MTUS2: variants seen among roughly 807,000 people sequenced by gnomAD.
MTUS2 encodes the protein microtubule associated scaffold protein 2.
In MTUS2, 40 loss-of-function variants were observed where a neutral mutation model predicts 114.1. That is an observed-to-expected ratio of 0.35 (90% confidence interval 0.27 to 0.46). MTUS2 has a LOEUF of 0.46. Ranked by LOEUF, MTUS2 falls within the 20% of genes least tolerant of loss-of-function variation. The pLI is 1.00. For missense variants in MTUS2, 1,679 were observed against 1,705.4 expected (o/e 0.98, Z 0.27); for synonymous variants, 688 against 672.0 (o/e 1.02, Z -0.37).
At chr13:29,398,615 G>A (rs1025379324) in intron 8 of MTUS2, among the ~76,000 whole-genome samples, 1 of 151,980 alleles carries the variant, frequency 6.6e-6, no homozygotes, top group African/African-American at 2.4e-5. Context: ...ATCTAAATTG[G>A]AAATAAACTT....
intron 9 of MTUS2, among the ~76,000 whole-genome samples, chr13:29,475,578 T>C (rs1220381593): frequency 2.0e-5 from 3 of 152,318 alleles, no homozygotes; most frequent in African/African-American, 7.2e-5. Context: ...ATGGAGATAT[T>C]GATGGTCCTG....
At chr13:29,301,237 C>G (rs1168848027) in intron 6 of MTUS2, among the ~76,000 whole-genome samples, 4 of 152,124 alleles carry the variant, frequency 2.6e-5, no homozygotes, top group African/African-American at 9.7e-5. Context: ...TGCCTAGGAC[C>G]CTGCAGCAGC....
intron 5 of MTUS2, among the ~76,000 whole-genome samples, chr13:29,253,548 C>T (rs1247405202): frequency 6.6e-6 from 1 of 152,104 alleles, no homozygotes; most frequent in Non-Finnish European, 1.5e-5. Flanking sequence ...GTCCTGAGCT[C>T]TTTTATTTAT....
chr13:28,895,381 T>G (rs1184220728), intron 2 of MTUS2, among the ~76,000 whole-genome samples: 4 of 152,208 alleles, frequency 2.6e-5, no homozygotes, highest in East Asian at 3.8e-4. Flanking sequence ...TGTGATGGAC[T>G]TTTAGGATGT....
intron 5 of MTUS2, among the ~76,000 whole-genome samples, chr13:29,229,759 A>G (rs143178396): frequency 3.0e-4 from 46 of 152,296 alleles, no homozygotes; most frequent in African/African-American, 8.9e-4. Context: ...GAAACTCACT[A>G]TCCTCAGAGG....
At chr13:29,034,554 G>T (rs1490495073) in intron 4 of MTUS2, among the ~76,000 whole-genome samples, 1 of 152,226 alleles carries the variant, frequency 6.6e-6, no homozygotes, top group Non-Finnish European at 1.5e-5. Flanking sequence ...GGCATGGGCT[G>T]CAAGAGAGAA....
chr13:29,171,660 G>A (rs762172846), intron 5 of MTUS2, among the ~76,000 whole-genome samples: 5 of 152,134 alleles, frequency 3.3e-5, no homozygotes, highest in Non-Finnish European at 7.4e-5. Flanking sequence ...GAACAAGATA[G>A]AATTTATTTT....
chr13:29,322,174 G>C (rs185617474), intron 6 of MTUS2, among the ~76,000 whole-genome samples: 20 of 152,298 alleles, frequency 1.3e-4, no homozygotes, highest in African/African-American at 4.6e-4. Flanking sequence ...ACACTGAAAG[G>C]CTAAATAAAT....
intron 8 of MTUS2, 94 bp downstream of exon 8, chr13:29,359,567 T>C: frequency 7.2e-7 from 1 of 1,391,782 alleles, no homozygotes. Context: ...TGTTTTGGGT[T>C]TGAGTTTTGA....
At chr13:29,007,926 C>T (rs113479227) in intron 2 of MTUS2, among the ~76,000 whole-genome samples, 5 of 152,038 alleles carry the variant, frequency 3.3e-5, no homozygotes, top group Non-Finnish European at 7.4e-5. Context: ...GGTTGGTGCC[C>T]CTAACTCCCA....
intron 6 of MTUS2, chr13:29,307,798 AC>A: frequency 1.1e-6 from 1 of 942,914 alleles, no homozygotes; most frequent in Non-Finnish European, 1.7e-6. Context: ...CCCCCAGACC[AC>A]CAGCCCCAGT....
Position 28,832,530 on chromosome 13 carries a change from T to C in MTUS2, c.-315-7248T>C, listed in dbSNP as rs138100343. Among the ~76,000 whole-genome samples, 224 of 151,208 alleles carry C rather than the reference T, an allele frequency of 1.5e-3. 3 individuals carry two copies. Among genetic ancestry groups the C allele is most frequent in the African/African-American group, 4.9e-3 (204 of 41,356 alleles). On this transcript the variant is annotated intron_variant, in intron 1 of 15. Transcript: ENST00000612955. Reference sequence around the variant, plus strand: ...GAGGGATTTTTTTTTTAGCTGTTAATGACTGTATGAACAAAAGAAAGATCT... The same window carrying C: ...GAGGGATTTTTTTTTTAGCTGTTAACGACTGTATGAACAAAAGAAAGATCT...
At chr13:29,337,617 TTG>T (rs1491022836) in intron 7 of MTUS2, among the ~76,000 whole-genome samples, 1 of 145,962 alleles carries the variant, frequency 6.9e-6, no homozygotes, top group Non-Finnish European at 1.5e-5. Flanking sequence ...TTTTTTTTTT[TTG>T]AGATGGGGGT....
At chr13:28,846,282 A>G (rs1230822093) in intron 2 of MTUS2, among the ~76,000 whole-genome samples, 1 of 152,166 alleles carries the variant, frequency 6.6e-6, no homozygotes, top group Admixed American at 6.6e-5. Context: ...AGGTCTCCCA[A>G]TCCAGGGCAG....
intron 2 of MTUS2, among the ~76,000 whole-genome samples, chr13:28,869,634 G>C (rs980157566): frequency 6.6e-6 from 1 of 152,128 alleles, no homozygotes; most frequent in Non-Finnish European, 1.5e-5. Context: ...AGCTGGGCGT[G>C]GTGGTGCGTG....
At chr13:28,922,018 G>A (rs1229978013) in intron 2 of MTUS2, among the ~76,000 whole-genome samples, 8 of 152,170 alleles carry the variant, frequency 5.3e-5, no homozygotes, top group African/African-American at 7.2e-5. Flanking sequence ...TAATTTCCAC[G>A]TGTTGGGTAG....
chr13:29,330,960 T>C (rs553153776), intron 7 of MTUS2, among the ~76,000 whole-genome samples: 68 of 152,288 alleles, frequency 4.5e-4, no homozygotes, highest in African/African-American at 1.6e-3. Flanking sequence ...AGTTTTTTTC[T>C]AATTATGTGA....
At chr13:29,407,520 C>A (rs9579369) in intron 8 of MTUS2, among the ~76,000 whole-genome samples, 2 of 150,340 alleles carry the variant, frequency 1.3e-5, no homozygotes, top group African/African-American at 4.9e-5. Context: ...TCTTGTTGCC[C>A]AGGCTGGAGT....
intron 2 of MTUS2, among the ~76,000 whole-genome samples, chr13:28,948,105 C>T (rs1044297543): frequency 4.6e-5 from 7 of 152,140 alleles, no homozygotes; most frequent in African/African-American, 1.4e-4. Flanking sequence ...TTACTGAACA[C>T]GATGTAGCTA....
Sources: gnomAD v4.1 joint callset for allele counts (sites outside exome capture counted in the v4.1 genomes callset) on GRCh38, gnomAD v4.1.1 for gene constraint, MANE v1.5 for transcripts, NCBI Gene and HGNC (gene_info 2026-07-23, HGNC 2026-07-21) for gene names.